The following COL23A1 variants were observed in gnomAD, a reference collection of about 807,000 sequenced individuals.
COL23A1 encodes collagen alpha-1(XXIII) chain.
COL23A1 carries 97 observed loss-of-function variants against 99.3 expected under a neutral mutation model. The ratio of observed to expected loss-of-function variants is 0.98; its 90% CI spans 0.83 to 1.16. The LOEUF (loss-of-function observed/expected upper bound fraction) is 1.16. Among genes scored for constraint, COL23A1 ranks in the 50% most tolerant of loss-of-function variants. The pLI, the probability that COL23A1 is intolerant of heterozygous loss-of-function variation, is 0.00. For missense variants in COL23A1, 762 were observed against 757.4 expected, an observed-to-expected ratio of 1.01 and a Z score of -0.07; for synonymous variants, 320 against 308.2, an observed-to-expected ratio of 1.04 and a Z score of -0.40.
intron 6 of COL23A1, among the ~76,000 whole-genome samples, chr5:178,269,418 C>A (rs181709772): frequency 1.9e-3 from 97 of 51,046 alleles, no homozygotes; most frequent in Middle Eastern, 0.014. Context: ...CATCCATCCA[C>A]CCGTCCATCC....
rs1758429379 is a variant in COL23A1 at position 178,307,564 on chromosome 5, G to A, written c.362-645C>T. 6.6e-6 allele frequency among the ~76,000 whole-genome samples: 1 copy of A among 152,182 alleles called. No individual in the cohort carries two copies. The highest frequency in any genetic ancestry group is 1.5e-5 in the Non-Finnish European group (1 of 68,044). Reference sequence around the variant, plus strand: ...CTATAAGCCCTTCTGAATTTACGGTGCAGAACCCCCTACCTCCGCCTCTGG... The same window carrying A: ...CTATAAGCCCTTCTGAATTTACGGTACAGAACCCCCTACCTCCGCCTCTGG... On this transcript the variant is annotated intron_variant, in intron 2 of 28. Coordinates refer to ENST00000390654, the MANE Select transcript of COL23A1 (RefSeq NM_173465.4). The surrounding 1 kb of genome is among the most constrained non-coding windows in gnomAD (Gnocchi z 4.2).
intron 2 of COL23A1, among the ~76,000 whole-genome samples, chr5:178,535,108 G>T (rs1397096794): frequency 6.6e-6 from 1 of 151,686 alleles, no homozygotes; most frequent in Non-Finnish European, 1.5e-5. Flanking sequence ...CAGTAGCTGG[G>T]ATTACAGGCG....
rs563497399 is a variant in COL23A1 at position 178,364,576 on chromosome 5, G to C, written c.362-57657C>G. 1.7e-4 allele frequency among the ~76,000 whole-genome samples: 26 copies of C among 152,222 alleles called. No individual in the cohort carries two copies. In the South Asian group the frequency reaches 5.4e-3, roughly 32 times the overall value. On this transcript the variant is annotated intron_variant, in intron 2 of 28. Transcript: ENST00000390654. ...CGTCTTCCTAAGGCTATCTGATCCTGCCTCTCCCATCTCCAACATCAGCAG... is the reference window on the plus strand; with the variant it reads ...CGTCTTCCTAAGGCTATCTGATCCTCCCTCTCCCATCTCCAACATCAGCAG...
At chr5:178,256,783 G>T in intron 14 of COL23A1, 83 bp downstream of exon 14, 1 of 1,371,674 alleles carries the variant, frequency 7.3e-7, no homozygotes, top group Non-Finnish European at 1.0e-6. Context: ...GCAAATGAGA[G>T]CTGAAACCAC....
chr5:178,322,138 A>G (rs914306969), intron 2 of COL23A1, among the ~76,000 whole-genome samples: 1 of 151,624 alleles, frequency 6.6e-6, no homozygotes, highest in East Asian at 1.9e-4. Context: ...GACTATAGGC[A>G]CCCGCCAGCA....
At chr5:178,448,416 C>G (rs985183176) in intron 2 of COL23A1, among the ~76,000 whole-genome samples, 1 of 150,182 alleles carries the variant, frequency 6.7e-6, no homozygotes, top group Admixed American at 6.7e-5. Flanking sequence ...AGTCGCAGTC[C>G]GTTTTGTTCT....
chr5:178,352,734 T>C (rs1287770124), intron 2 of COL23A1, among the ~76,000 whole-genome samples: 1 of 152,216 alleles, frequency 6.6e-6, no homozygotes, highest in Non-Finnish European at 1.5e-5. Context: ...CTGAGTGCAG[T>C]GGTCTGCCTG....
chr5:178,371,414 G>A (rs1258570342), intron 2 of COL23A1, among the ~76,000 whole-genome samples: 1 of 152,204 alleles, frequency 6.6e-6, no homozygotes, highest in African/African-American at 2.4e-5. Flanking sequence ...TGGAGGAGGG[G>A]CCGGCTGCAG....
intron 2 of COL23A1, among the ~76,000 whole-genome samples, chr5:178,332,556 C>G (rs1234582652): frequency 6.6e-5 from 10 of 152,180 alleles, no homozygotes; most frequent in Admixed American, 6.5e-4. Context: ...TCCTGAGAAA[C>G]TCCTTCATGA....
At chr5:178,239,323 A>G (rs929756051) in intron 27 of COL23A1, 144 bp from the exon 28 acceptor site, 2 of 844,586 alleles carry the variant, frequency 2.4e-6, no homozygotes, top group East Asian at 5.2e-5. Context: ...CAGGGGCACA[A>G]TGCCTCCTCT....
intron 2 of COL23A1, among the ~76,000 whole-genome samples, chr5:178,370,109 C>A (rs760150134): frequency 2.0e-5 from 3 of 152,224 alleles, no homozygotes; most frequent in African/African-American, 7.2e-5. Context: ...CGTGTCTGCA[C>A]GGCAGGTTCC....
At position 178,290,342 on chromosome 5, in the gene COL23A1, G is replaced by C; in HGVS notation, c.414+20C>G. 2 of 1,614,034 alleles carry C rather than the reference G, an allele frequency of 1.2e-6. No homozygotes were observed. Among genetic ancestry groups the C allele is most frequent in the Non-Finnish European group, 1.7e-6 (2 of 1,180,006 alleles). On this transcript the variant is annotated intron_variant, in intron 4 of 28. Coordinates refer to ENST00000390654, the MANE Select transcript of COL23A1 (RefSeq NM_173465.4). ...ACATCTTATCTTTCAGAAGCAGACA[G>C]CACAGTCCAGGACACTTACTGGAGG...
At chr5:178,244,549 T>G (rs1764571867) in intron 25 of COL23A1, among the ~76,000 whole-genome samples, 1 of 151,644 alleles carries the variant, frequency 6.6e-6, no homozygotes, top group Admixed American at 6.6e-5. Flanking sequence ...TACTCTGGAG[T>G]CAAATTTTCT....
chr5:178,246,028 C>A, intron 24 of COL23A1, 60 bp from the exon 25 acceptor site: 2 of 1,592,646 alleles, frequency 1.3e-6, no homozygotes, highest in Non-Finnish European at 1.7e-6. Context: ...AGCACAGCTG[C>A]TGGGAAGTCC....
At chr5:178,540,213 A>G (rs1264321761) in intron 2 of COL23A1, among the ~76,000 whole-genome samples, 1 of 152,210 alleles carries the variant, frequency 6.6e-6, no homozygotes, top group Non-Finnish European at 1.5e-5. Flanking sequence ...TAAGAATTGG[A>G]AAGGAACAAA....
At chr5:178,543,003 T>C (rs1370819226) in intron 2 of COL23A1, among the ~76,000 whole-genome samples, 1 of 152,200 alleles carries the variant, frequency 6.6e-6, no homozygotes, top group East Asian at 1.9e-4. Flanking sequence ...GGGCATGGGA[T>C]TAGATGGGGT....
intron 2 of COL23A1, among the ~76,000 whole-genome samples, chr5:178,483,938 A>AT (rs758110365): frequency 4.5e-4 from 67 of 147,880 alleles, no homozygotes; most frequent in East Asian, 7.9e-4. Context: ...GCTAGGCAAG[A>AT]TTTTTTTTTT....
chr5:178,270,281 C>T (rs1756210579), intron 6 of COL23A1, 56 bp downstream of exon 6: 13 of 1,608,150 alleles, frequency 8.1e-6, no homozygotes, highest in East Asian at 2.2e-5. Flanking sequence ...TCACTCCTAG[C>T]CCCACGGTGG....
chr5:178,562,068 C>T (rs1051941487), intron 1 of COL23A1: 12 of 532,274 alleles, frequency 2.3e-5, no homozygotes, highest in Admixed American at 2.2e-4. Flanking sequence ...CCGGTGGGTT[C>T]GTGGTCTCGC....
Sources: allele counts gnomAD v4.1 joint callset (sites outside exome capture counted in the v4.1 genomes callset), GRCh38; gene constraint gnomAD v4.1.1; non-coding constraint Gnocchi (gnomAD v3.1); transcripts MANE v1.5; gene names NCBI Gene and HGNC (gene_info 2026-07-23, HGNC 2026-07-21).